RBBP8: variants seen among roughly 807,000 people sequenced by gnomAD.
RBBP8 encodes DNA endonuclease RBBP8.
A neutral mutation model predicts 108.3 loss-of-function variants in RBBP8; 88 were observed. That is an observed-to-expected ratio of 0.81 (90% CI 0.68 to 0.97). The LOEUF (loss-of-function observed/expected upper bound fraction) is 0.97. RBBP8 is among the 50% of genes least tolerant of loss of function. The probability of loss-of-function intolerance (pLI) is 0.00; values close to 1 mark genes in which losing one functional copy is unlikely to be tolerated. For missense variants in RBBP8, 1,023 were observed against 1,049.0 expected (o/e 0.98, Z 0.34); for synonymous variants, 332 against 348.2 (o/e 0.95, Z 0.52).
intron 1 of RBBP8, chr18:22,933,862 T>A (rs1425705234): frequency 6.6e-6 from 1 of 151,976 alleles, no homozygotes; most frequent in African/African-American, 2.4e-5. Flanking sequence ...CTTCGGAGGT[T>A]TTTTGGCCAG....
chr18:22,993,073 C>G lies in RBBP8; in HGVS notation c.1246C>G (p.Leu416Val). Residue 416 changes from leucine (L) to valine (V), a missense_variant, in exon 11 of 19, where the codon CTA becomes GTA. Transcript: ENST00000327155. ...ILINKNISES[L>V]GEQNRTEYGK... ...TATAAATAAAAATATAAGTGAATCC[C>G]TAGGTGAACAGAATAGGACTGAGTA... The G allele has an allele frequency of 6.2e-7, 1 of 1,613,240 alleles. No individual in the cohort carries two copies. The highest frequency in any genetic ancestry group is 8.5e-7 in the Non-Finnish European group (1 of 1,179,392).
At chr18:22,966,437 G>C (rs1748175437) in intron 4 of RBBP8, among the ~76,000 whole-genome samples, 1 of 151,190 alleles carries the variant, frequency 6.6e-6, no homozygotes, top group African/African-American at 2.4e-5. Flanking sequence ...TTTTACTTTT[G>C]TATAAAATGT....
At chr18:22,915,489 A>C (rs1693391381) in intron 2 of RBBP8, 1 of 152,168 alleles carries the variant, frequency 6.6e-6, no homozygotes, top group South Asian at 2.1e-4. Flanking sequence ...AATCCAGGTA[A>C]ACTGCTGAAA....
Position 22,949,736 on chromosome 18 carries a change from G to C in RBBP8, c.248+23G>C, listed in dbSNP as rs1209813371. 7 of 1,506,008 alleles carry C rather than the reference G, an allele frequency of 4.6e-6. No individual in the cohort carries two copies. The African/African-American group carries it at 8.3e-5, about 18-fold the overall frequency. 93.3% of individuals were successfully genotyped at this position (1,506,008 alleles called of 1,614,324 possible). On this transcript the variant is annotated intron_variant, in intron 4 of 18. Transcript: ENST00000327155. ...TCGGTGAGTCTGGCACTTAGGTCTT[G>C]AGTAAGAAGTGATTTCCTCCATAAT...
chr18:22,973,765 C>A (rs1914296473), intron 5 of RBBP8, among the ~76,000 whole-genome samples: 2 of 152,170 alleles, frequency 1.3e-5, no homozygotes, highest in South Asian at 2.1e-4. Flanking sequence ...AGAATAATCT[C>A]CTGTCCAGCT....
chr18:22,972,774 C>G (rs1277225229), intron 5 of RBBP8, among the ~76,000 whole-genome samples: 1 of 152,182 alleles, frequency 6.6e-6, no homozygotes, highest in Non-Finnish European at 1.5e-5. Flanking sequence ...TATTTCATTT[C>G]TGTATAGTTT....
chr18:23,009,667 T>C (rs889451349), intron 16 of RBBP8, among the ~76,000 whole-genome samples: 2 of 152,058 alleles, frequency 1.3e-5, no homozygotes, highest in Non-Finnish European at 2.9e-5. Context: ...ATCATTTGTT[T>C]AAAATTTATG....
chr18:22,964,787 A>C (rs928830162), intron 4 of RBBP8, among the ~76,000 whole-genome samples: 12 of 151,966 alleles, frequency 7.9e-5, no homozygotes, highest in African/African-American at 2.7e-4. Flanking sequence ...GGGCTGCCAC[A>C]CCTGGATACT....
At chr18:23,019,163 G>A (rs7232096) in intron 17 of RBBP8, among the ~76,000 whole-genome samples, 3,888 of 152,146 alleles carry the variant, frequency 0.026, 171 homozygotes, top group African/African-American at 0.089. Flanking sequence ...TAAAGAATAT[G>A]GTCCACATTG....
intron 6 of RBBP8, among the ~76,000 whole-genome samples, chr18:22,980,813 C>G (rs1914862072): frequency 6.7e-6 from 1 of 149,894 alleles, no homozygotes; most frequent in South Asian, 2.1e-4. Context: ...TTCCTGGGCT[C>G]AGGCAACCCT....
Position 22,949,654 on chromosome 18 carries a change from TC to T in RBBP8, c.190del (p.Gln64AsnfsTer3). On this transcript the variant is annotated frameshift_variant, in exon 4 of 19. Coordinates refer to ENST00000327155, the MANE Select transcript of RBBP8 (RefSeq NM_002894.3). LOFTEE classifies it high-confidence loss of function. ...GACTAGAAGAATTCTTCACCAAAAATCAACAGCTGAGGGAACAGCAGAAAGT... is the reference window on the plus strand; with the variant it reads ...GACTAGAAGAATTCTTCACCAAAAATAACAGCTGAGGGAACAGCAGAAAGT... Reference protein sequence around the residue: ...QRLEEFFTKNQQLREQQKVLH... With the variant: ...QRLEEFFTKNXQLREQQKVLH... The T allele has an allele frequency of 6.2e-7, 1 of 1,613,468 alleles. No individual in the cohort carries two copies. The highest frequency in any genetic ancestry group is 8.5e-7 in the Non-Finnish European group (1 of 1,179,658).
At chr18:23,022,389 T>G (rs2046360450) in intron 18 of RBBP8, 119 bp downstream of exon 18, 2 of 964,394 alleles carry the variant, frequency 2.1e-6, no homozygotes, top group Non-Finnish European at 3.0e-6. Flanking sequence ...TCACCTGAGG[T>G]CAGGAGTTCA....
intron 3 of RBBP8, among the ~76,000 whole-genome samples, chr18:22,925,425 T>C (rs1909756992): frequency 6.6e-6 from 1 of 152,184 alleles, no homozygotes; most frequent in South Asian, 2.1e-4. Flanking sequence ...AAACTTAGAT[T>C]AACATGGATT....
chr18:22,979,536 A>G (rs1377429176), intron 6 of RBBP8, among the ~76,000 whole-genome samples: 2 of 152,210 alleles, frequency 1.3e-5, no homozygotes, highest in African/African-American at 4.8e-5. Flanking sequence ...TTCTCACTAT[A>G]TAAGCTTTTA....
intron 10 of RBBP8, among the ~76,000 whole-genome samples, chr18:22,991,874 A>G (rs950592275): frequency 6.6e-6 from 1 of 152,188 alleles, no homozygotes; most frequent in Admixed American, 6.5e-5. Flanking sequence ...CTATCTATCT[A>G]TATATGTATA....
intron 4 of RBBP8, among the ~76,000 whole-genome samples, chr18:22,953,528 G>T (rs561012577): frequency 7.2e-5 from 11 of 152,210 alleles, no homozygotes; most frequent in African/African-American, 2.4e-4. Context: ...TCTTCATCCT[G>T]CCCCTTGAAG....
At chr18:23,022,063 A>G in intron 17 of RBBP8, 66 bp from the exon 18 acceptor site, 2 of 1,331,116 alleles carry the variant, frequency 1.5e-6, no homozygotes, top group Non-Finnish European at 1.1e-6. Context: ...TCTAGTTTGT[A>G]ATCAATAAGC....
At chr18:22,931,234 A>G (rs886781539), upstream of RBBP8, among the ~76,000 whole-genome samples, 3 of 152,198 alleles carry the variant, frequency 2.0e-5, no homozygotes, top group African/African-American at 7.2e-5. Context: ...GAGTGGGGGT[A>G]GGTTTGGTGG....
chr18:22,965,029 A>T (rs1010142302), intron 4 of RBBP8, among the ~76,000 whole-genome samples: 2 of 152,062 alleles, frequency 1.3e-5, no homozygotes, highest in African/African-American at 4.8e-5. Flanking sequence ...GAGGGGGAAA[A>T]ATTAGCTTGC....
Sources: allele counts gnomAD v4.1 joint callset (sites outside exome capture counted in the v4.1 genomes callset), GRCh38; gene constraint gnomAD v4.1.1; transcripts MANE v1.5; gene names NCBI Gene and HGNC (gene_info 2026-07-23, HGNC 2026-07-21).